UGGT2: variants seen among roughly 807,000 people sequenced by gnomAD.
UGGT2 encodes UDP-glucose:glycoprotein glucosyltransferase 2.
In UGGT2, 180 loss-of-function variants were observed where a neutral mutation model predicts 192.1. The observed-to-expected ratio is 0.94, with a 90% CI of 0.83 to 1.06. The LOEUF (loss-of-function observed/expected upper bound fraction) is 1.06. Ranked by LOEUF, UGGT2 falls within the 50% of genes least tolerant of loss-of-function variation. The pLI, the probability that UGGT2 is intolerant of heterozygous loss-of-function variation, is 0.00. For missense variants in UGGT2, 1,849 were observed against 1,795.7 expected, an observed-to-expected ratio of 1.03 and a Z score of -0.54; for synonymous variants, 580 against 591.0, an observed-to-expected ratio of 0.98 and a Z score of 0.27.
chr13:95,877,228 A>G (rs751179703), intron 29 of UGGT2, 51 bp downstream of exon 29: 4 of 1,390,104 alleles, frequency 2.9e-6, no homozygotes, highest in Admixed American at 4.6e-5. Context: ...GTTGTATTAC[A>G]CTAAAAACGT....
At chr13:96,024,636 C>T (rs866992741) in intron 2 of UGGT2, among the ~76,000 whole-genome samples, 1 of 152,188 alleles carries the variant, frequency 6.6e-6, no homozygotes, top group Non-Finnish European at 1.5e-5. Flanking sequence ...TTGGTATAGG[C>T]ATCCATAGAG....
intron 20 of UGGT2, among the ~76,000 whole-genome samples, chr13:95,914,481 A>G (rs991494929): frequency 5.9e-5 from 9 of 151,962 alleles, no homozygotes; most frequent in Non-Finnish European, 5.9e-5. Context: ...TAATAGAATT[A>G]AAACTCTAAG....
At chr13:95,915,909 C>G (rs2048667807) in intron 20 of UGGT2, among the ~76,000 whole-genome samples, 2 of 152,228 alleles carry the variant, frequency 1.3e-5, no homozygotes, top group South Asian at 4.1e-4. Flanking sequence ...CTTCCTGAGA[C>G]AGAGTTCCCA....
intron 36 of UGGT2, among the ~76,000 whole-genome samples, chr13:95,849,528 G>A (rs1222522578): frequency 7.0e-6 from 1 of 143,298 alleles, no homozygotes; most frequent in Non-Finnish European, 1.5e-5. Context: ...GGGCAACAGA[G>A]TGAGACTCTG....
intron 4 of UGGT2, 122 bp from the exon 5 acceptor site, chr13:96,013,603 T>A: frequency 1.5e-6 from 1 of 663,210 alleles, no homozygotes; most frequent in Non-Finnish European, 2.2e-6. Flanking sequence ...AGAATTTAAA[T>A]TTCCTGTGAT....
rs565941414 is a variant in UGGT2, at chr13:95,867,218, A to G, written c.3558+121T>C. The stretch of plus-strand genomic sequence containing the variant: ...CTTTTTTTACTGCTGGAGTTCAAAT[A>G]TAACATTTTAGGTTGTAAAATTGTA... On this transcript the variant is annotated intron_variant, in intron 30 of 38. Coordinates refer to ENST00000376747, the MANE Select transcript of UGGT2 (RefSeq NM_020121.4). The G allele has an allele frequency of 2.2e-3, 1,921 of 864,294 alleles. 5 individuals carry two copies. Among genetic ancestry groups the G allele is most frequent in the Admixed American group, 3.4e-3 (124 of 36,284 alleles). The allele number at this position is 864,294 out of a possible 1,614,324, so 53.5% of individuals were successfully genotyped here.
intron 7 of UGGT2, among the ~76,000 whole-genome samples, chr13:95,995,130 T>C (rs2051578208): frequency 6.6e-6 from 1 of 152,102 alleles, no homozygotes; most frequent in African/African-American, 2.4e-5. Context: ...TAATTCAATA[T>C]GTGGCAAAGG....
Position 95,890,921 on chromosome 13 carries a change from C to T in UGGT2, c.2899G>A (p.Val967Ile). ...NPQENDMFFN[V>I]IAIVDPLTRE... ...GTTAATGGATCAACAATAGCAATGACATTGAAGAACATATCATTCTCTTGA... is the reference window on the plus strand; with the variant it reads ...GTTAATGGATCAACAATAGCAATGATATTGAAGAACATATCATTCTCTTGA... The change falls in exon 25 of 39, where the codon GTC becomes ATC. Residue 967 changes from valine to isoleucine, a missense_variant. By Grantham distance (29) the Val-to-Ile change is conservative. Coordinates refer to ENST00000376747, the MANE Select transcript of UGGT2 (RefSeq NM_020121.4). The T allele has an allele frequency of 3.1e-6, 5 of 1,612,748 alleles. No homozygotes were observed. The highest frequency in any genetic ancestry group is 3.4e-6 in the Non-Finnish European group (4 of 1,179,324).
chr13:96,034,917 G>C (rs2052954184), intron 1 of UGGT2, among the ~76,000 whole-genome samples: 1 of 152,226 alleles, frequency 6.6e-6, no homozygotes, highest in Non-Finnish European at 1.5e-5. Context: ...GCCGAGCATA[G>C]CCTGCCAGGC....
At chr13:95,984,660 T>C (rs894900710) in intron 9 of UGGT2, among the ~76,000 whole-genome samples, 10 of 152,188 alleles carry the variant, frequency 6.6e-5, no homozygotes. Context: ...ATAATTCACT[T>C]ATAATTTAAA....
intron 13 of UGGT2, 42 bp from the exon 14 acceptor site, chr13:95,948,123 A>G: frequency 6.7e-7 from 1 of 1,483,396 alleles, no homozygotes; most frequent in South Asian, 1.2e-5. Context: ...AACACCTTAG[A>G]ATCTTCATGA....
At chr13:95,970,643 A>C (rs2050743032) in intron 11 of UGGT2, among the ~76,000 whole-genome samples, 1 of 152,186 alleles carries the variant, frequency 6.6e-6, no homozygotes, top group Non-Finnish European at 1.5e-5. Context: ...TAAAGTATAA[A>C]ATTCTAATAC....
Position 95,892,344 on chromosome 13 carries a change from C to T in UGGT2, c.2856-1380G>A, listed in dbSNP as rs73558641. On this transcript the variant is annotated intron_variant, in intron 24 of 38. Coordinates refer to ENST00000376747, the MANE Select transcript of UGGT2 (RefSeq NM_020121.4). Reference sequence around the variant, plus strand: ...CTAACCCAAGAATAGAACAGAACATCCTATTTCTCATGCAATATTAACAAC... The same window carrying T: ...CTAACCCAAGAATAGAACAGAACATTCTATTTCTCATGCAATATTAACAAC... 8.1e-3 allele frequency among the ~76,000 whole-genome samples: 1,240 copies of T among 152,178 alleles called. 13 individuals are homozygous for T. The highest frequency in any genetic ancestry group is 0.028 in the African/African-American group (1,179 of 41,542).
Position 95,837,150 on chromosome 13 carries a change from T to C in UGGT2, c.4337A>G (p.Asp1446Gly), listed in dbSNP as rs758221283. Reference sequence around the variant, plus strand: ...ACACCAGGTTTCACACCACAGCCAGTCTTGAGGAAGAGACTTAATGGCGAC... The same window carrying C: ...ACACCAGGTTTCACACCACAGCCAGCCTTGAGGAAGAGACTTAATGGCGAC... ...YQVAIKSLPQ[D>G]WLWCETWCDD... Residue 1446 changes from aspartate (D) to glycine (G), a missense_variant, in exon 37 of 39, where the codon GAC (aspartate) becomes GGC (glycine). Coordinates refer to ENST00000376747, the MANE Select transcript of UGGT2 (RefSeq NM_020121.4). 4.3e-6 allele frequency: 7 copies of C among 1,614,072 alleles called. No individual in the cohort carries two copies. Among genetic ancestry groups the C allele is most frequent in the Non-Finnish European group, 5.9e-6 (7 of 1,179,982 alleles).
At chr13:96,023,841 T>A in intron 2 of UGGT2, 82 bp from the exon 3 acceptor site, 1 of 1,151,930 alleles carries the variant, frequency 8.7e-7, no homozygotes, top group South Asian at 1.9e-5. Flanking sequence ...AAGGCTAACT[T>A]AATGTCATAT....
chr13:95,843,889 C>T (rs1275217949), intron 36 of UGGT2, among the ~76,000 whole-genome samples: 1 of 152,090 alleles, frequency 6.6e-6, no homozygotes, highest in African/African-American at 2.4e-5. Context: ...TGTCTTAAAA[C>T]AAGGTGGTAT....
At position 95,803,921 on chromosome 13, in the gene UGGT2, A is replaced by C. The variant is rs191771972; in HGVS notation, c.4529-2109T>G. On this transcript the variant is annotated intron_variant, in intron 38 of 38. Transcript: ENST00000376747. ...AGACAGCTTAAACAAAAAGGAACTG[A>C]AAAGAACTAAAGCAATATTCAAAAC... is the stretch of plus-strand genomic sequence containing the variant. Among the ~76,000 whole-genome samples, 183 of 152,332 alleles carry C rather than the reference A, an allele frequency of 1.2e-3. 1 individual carries two copies. The highest frequency in any genetic ancestry group is 4.2e-3 in the African/African-American group (176 of 41,576).
At chr13:95,971,228 C>G (rs2050763318) in intron 11 of UGGT2, among the ~76,000 whole-genome samples, 1 of 152,176 alleles carries the variant, frequency 6.6e-6, no homozygotes, top group South Asian at 2.1e-4. Context: ...TGGACGATTC[C>G]AAAGTATTGG....
chr13:95,848,324 T>G (rs1888684994), intron 36 of UGGT2, among the ~76,000 whole-genome samples: 1 of 152,242 alleles, frequency 6.6e-6, no homozygotes, highest in Admixed American at 6.5e-5. Flanking sequence ...TATCAATTAT[T>G]ACTTCACGGA....
Sources: gnomAD v4.1 joint callset for allele counts (sites outside exome capture counted in the v4.1 genomes callset) on GRCh38, gnomAD v4.1.1 for gene constraint, MANE v1.5 for transcripts, NCBI Gene and HGNC (gene_info 2026-07-23, HGNC 2026-07-21) for gene names.